Variants in CPNE8 observed in about 807,000 individuals in gnomAD.
The protein encoded by CPNE8 is copine-8.
A neutral mutation model predicts 81.5 loss-of-function variants in CPNE8; 45 were observed. That is an observed-to-expected ratio of 0.55 (90% CI 0.44 to 0.71). The LOEUF is 0.71. Among genes scored for constraint, CPNE8 ranks in the 30% least tolerant of loss-of-function variants. The pLI, the probability that CPNE8 is intolerant of heterozygous loss-of-function variation, is 0.00. For missense variants in CPNE8, 594 were observed against 672.1 expected, an observed-to-expected ratio of 0.88 and a Z score of 1.28; for synonymous variants, 252 against 226.3, an observed-to-expected ratio of 1.11 and a Z score of -1.02.
At chr12:38,742,840 C>T (rs143720463) in intron 10 of CPNE8, among the ~76,000 whole-genome samples, 84 of 151,788 alleles carry the variant, frequency 5.5e-4, no homozygotes, top group African/African-American at 1.9e-3. Context: ...TGTCTCTGTC[C>T]TAGAGTTGTA....
intron 6 of CPNE8, among the ~76,000 whole-genome samples, chr12:38,827,810 A>T (rs946625010): frequency 6.6e-6 from 1 of 152,088 alleles, no homozygotes; most frequent in African/African-American, 2.4e-5. Flanking sequence ...CAGACACTGG[A>T]GCCTACTTGA....
chr12:38,676,588 G>T (rs1289277453), intron 17 of CPNE8, among the ~76,000 whole-genome samples: 1 of 152,164 alleles, frequency 6.6e-6, no homozygotes. Context: ...ATTACAGAAA[G>T]TTAGTACTGT....
intron 1 of CPNE8, among the ~76,000 whole-genome samples, chr12:38,883,633 A>C (rs1294984903): frequency 6.6e-6 from 1 of 152,196 alleles, no homozygotes; most frequent in East Asian, 1.9e-4. Flanking sequence ...CAATTGCTGA[A>C]GTATGTGAGC....
At chr12:38,783,127 A>AT (rs1473846662) in intron 6 of CPNE8, among the ~76,000 whole-genome samples, 1 of 152,232 alleles carries the variant, frequency 6.6e-6, no homozygotes, top group Non-Finnish European at 1.5e-5. Context: ...ACAGTTAAAC[A>AT]TGATCTCAAG....
At chr12:38,868,402 A>G (rs1943945935) in intron 3 of CPNE8, among the ~76,000 whole-genome samples, 1 of 152,206 alleles carries the variant, frequency 6.6e-6, no homozygotes, top group Non-Finnish European at 1.5e-5. Context: ...TAATTATTAC[A>G]GTAGCTTTGC....
intron 19 of CPNE8, among the ~76,000 whole-genome samples, chr12:38,656,382 C>A (rs911877340): frequency 2.6e-4 from 37 of 144,026 alleles, no homozygotes; most frequent in African/African-American, 9.3e-4. Context: ...GTAGCTAATA[C>A]ACACATTTCA....
chr12:38,662,881 CA>C (rs1480538924), intron 19 of CPNE8, among the ~76,000 whole-genome samples: 1 of 149,976 alleles, frequency 6.7e-6, no homozygotes, highest in African/African-American at 2.5e-5. Flanking sequence ...CAAGAACATA[CA>C]CTGGGGAAAG....
At position 38,833,484 on chromosome 12, in the gene CPNE8, T is replaced by TC. The variant is rs1943328611; in HGVS notation, c.331-4030_331-4029insG. On this transcript the variant is annotated intron_variant, in intron 5 of 19. Coordinates refer to ENST00000331366, the MANE Select transcript of CPNE8 (RefSeq NM_153634.3). ...GATCAGTGACTGAAATTAACCTTTT[T>TC]TTTTTTTTTTTGAGACGGGAGTCTT... is the stretch of plus-strand genomic sequence containing the variant. Among the ~76,000 whole-genome samples, 4 of 148,320 alleles carry TC rather than the reference T, an allele frequency of 2.7e-5. No homozygotes were observed. In the East Asian group the frequency reaches 7.9e-4, roughly 29 times the overall value.
intron 17 of CPNE8, 101 bp from the exon 18 acceptor site, chr12:38,675,875 T>A (rs1939277035): frequency 1.3e-6 from 1 of 780,824 alleles, no homozygotes; most frequent in Non-Finnish European, 2.1e-6. Context: ...ATCCCAGCAC[T>A]GTGGGAGGCC....
chr12:38,854,362 C>T (rs756091260), intron 3 of CPNE8, among the ~76,000 whole-genome samples: 3 of 151,628 alleles, frequency 2.0e-5, no homozygotes, highest in East Asian at 1.9e-4. Flanking sequence ...TTTTCACAAT[C>T]CAATAATACG....
At chr12:38,695,716 A>C (rs185221551) in intron 14 of CPNE8, among the ~76,000 whole-genome samples, 16 of 152,280 alleles carry the variant, frequency 1.1e-4, no homozygotes, top group African/African-American at 3.6e-4. Flanking sequence ...AGGCAGGTGG[A>C]CAGCTTGAGC....
At chr12:38,751,748 T>C (rs549335845) in intron 10 of CPNE8, among the ~76,000 whole-genome samples, 8 of 152,326 alleles carry the variant, frequency 5.3e-5, no homozygotes, top group Non-Finnish European at 1.0e-4. Flanking sequence ...TCAGATGTTT[T>C]TGACAGACAT....
At chr12:38,768,407 C>G (rs1485709698) in intron 7 of CPNE8, among the ~76,000 whole-genome samples, 4 of 152,042 alleles carry the variant, frequency 2.6e-5, no homozygotes, top group Admixed American at 1.3e-4. Flanking sequence ...TAAAGGAAAA[C>G]AAGCTAGGGT....
intron 19 of CPNE8, among the ~76,000 whole-genome samples, chr12:38,659,730 A>G (rs1452342226): frequency 2.6e-5 from 4 of 152,212 alleles, no homozygotes; most frequent in African/African-American, 9.6e-5. Flanking sequence ...ATTAGAACTC[A>G]GGATTAAGAA....
chr12:38,843,103 A>T (rs1943500321), intron 4 of CPNE8, among the ~76,000 whole-genome samples: 1 of 152,194 alleles, frequency 6.6e-6, no homozygotes, highest in African/African-American at 2.4e-5. Context: ...AAGAGGATGC[A>T]TCCACTGTGC....
chr12:38,776,355 T>A lies in CPNE8; in HGVS notation c.408-54A>T, dbSNP rs561641469. On this transcript the variant is annotated intron_variant, in intron 6 of 19. Coordinates refer to ENST00000331366, the MANE Select transcript of CPNE8 (RefSeq NM_153634.3). ...ATTAATATGTTATATTAATACTATA[T>A]AATATAAATTTATATATCATGTTTA... 26 of 562,888 alleles carry A rather than the reference T, an allele frequency of 4.6e-5. No homozygotes were observed. The African/African-American group carries it at 5.0e-4, about 11-fold the overall frequency. 34.9% of individuals were successfully genotyped at this position (562,888 alleles called of 1,614,324 possible).
At chr12:38,784,133 T>C (rs1302928777) in intron 6 of CPNE8, among the ~76,000 whole-genome samples, 1 of 152,062 alleles carries the variant, frequency 6.6e-6, no homozygotes, top group African/African-American at 2.4e-5. Context: ...AGAAAGTAAT[T>C]CAGAATTCTA....
chr12:38,834,419 A>T (rs1943348725), intron 5 of CPNE8, among the ~76,000 whole-genome samples: 1 of 152,056 alleles, frequency 6.6e-6, no homozygotes, highest in South Asian at 2.1e-4. Flanking sequence ...GAACCACATC[A>T]CTATTTACCC....
chr12:38,738,979 A>C (rs1227969190), intron 10 of CPNE8, among the ~76,000 whole-genome samples: 1 of 151,834 alleles, frequency 6.6e-6, no homozygotes, highest in Non-Finnish European at 1.5e-5. Flanking sequence ...ACACCCAGCT[A>C]ATTTCTGTCT....
Sources: gnomAD v4.1 joint callset for allele counts (sites outside exome capture counted in the v4.1 genomes callset) on GRCh38, gnomAD v4.1.1 for gene constraint, MANE v1.5 for transcripts, NCBI Gene and HGNC (gene_info 2026-07-23, HGNC 2026-07-21) for gene names.